CEBPZ: variants seen among roughly 807,000 people sequenced by gnomAD.
CEBPZ encodes CCAAT enhancer binding protein zeta.
A neutral mutation model predicts 104.5 loss-of-function variants in CEBPZ; 78 were observed. The ratio of observed to expected loss-of-function variants is 0.75; its 90% CI spans 0.62 to 0.90. The LOEUF is 0.90. Ranked by LOEUF, CEBPZ falls within the 40% of genes least tolerant of loss-of-function variation. CEBPZ has a pLI of 0.00. For synonymous variants in CEBPZ, 470 were observed against 427.0 expected (o/e 1.10, Z -1.24); for missense variants, 1,439 against 1,233.5 (o/e 1.17, Z -2.50).
chr2:37,223,675 A>G (rs1019136997), intron 2 of CEBPZ, among the ~76,000 whole-genome samples: 10 of 152,174 alleles, frequency 6.6e-5, no homozygotes, highest in East Asian at 1.9e-4. Flanking sequence ...TCTGTTTTCT[A>G]TATCAACAGG....
intron 13 of CEBPZ, 35 bp downstream of exon 13, chr2:37,210,964 A>G (rs1677702506): frequency 4.1e-6 from 6 of 1,472,800 alleles, no homozygotes; most frequent in Non-Finnish European, 5.6e-6. Flanking sequence ...TCACATGGAC[A>G]CTGCTTTTAA....
chr2:37,202,684 A>C, intron 15 of CEBPZ, 100 bp downstream of exon 15: 1 of 227,960 alleles, frequency 4.4e-6, no homozygotes, highest in South Asian at 1.2e-4. Flanking sequence ...AAAAAAAAAA[A>C]AAAAAAAAGA....
intron 6 of CEBPZ, 78 bp downstream of exon 6, chr2:37,216,906 A>G: frequency 8.5e-7 from 1 of 1,172,182 alleles, no homozygotes; most frequent in Admixed American, 1.9e-5. Flanking sequence ...TAGAGAAAAC[A>G]CTGTATGACC....
intron 3 of CEBPZ, 29 bp from the exon 4 acceptor site, chr2:37,222,592 C>G (rs1664799209): frequency 6.7e-7 from 1 of 1,485,816 alleles, no homozygotes; most frequent in African/African-American, 1.4e-5. Context: ...CATAAATCTA[C>G]ATAAATCAAC....
chr2:37,223,549 A>C (rs1028593369), intron 2 of CEBPZ, 148 bp from the exon 3 acceptor site: 4 of 673,508 alleles, frequency 5.9e-6, no homozygotes, highest in African/African-American at 5.4e-5. Context: ...CTAAGAGGTA[A>C]GATGGAAGTC....
intron 5 of CEBPZ, among the ~76,000 whole-genome samples, chr2:37,220,071 C>A (rs2148357498): frequency 6.6e-6 from 1 of 152,260 alleles, no homozygotes; most frequent in African/African-American, 2.4e-5. Context: ...GTAATCCCAG[C>A]ACTTTGGGAG....
At chr2:37,223,751 C>A (rs72875750) in intron 2 of CEBPZ, among the ~76,000 whole-genome samples, 3,388 of 152,300 alleles carry the variant, frequency 0.022, 77 homozygotes, top group African/African-American at 0.062. Flanking sequence ...ATAGTGAAAA[C>A]TGACCCATGA....
At chr2:37,208,531 A>G (rs1677613627) in intron 13 of CEBPZ, among the ~76,000 whole-genome samples, 1 of 152,152 alleles carries the variant, frequency 6.6e-6, no homozygotes, top group Non-Finnish European at 1.5e-5. Context: ...TAAACAATTA[A>G]AAACAAAAAT....
At chr2:37,216,885 A>G (rs1664599476) in intron 6 of CEBPZ, 99 bp downstream of exon 6, 5 of 975,434 alleles carry the variant, frequency 5.1e-6, no homozygotes, top group Non-Finnish European at 7.9e-6. Flanking sequence ...AATGTACAAG[A>G]TTCTCTCTGT....
intron 15 of CEBPZ, 133 bp from the exon 16 acceptor site, chr2:37,202,036 A>G (rs1251594385): frequency 3.4e-6 from 2 of 582,620 alleles, no homozygotes; most frequent in African/African-American, 3.8e-5. Context: ...ATACAAACCC[A>G]CTGCTTGTTT....
chr2:37,219,317 C>T (rs973057560), intron 5 of CEBPZ, among the ~76,000 whole-genome samples: 6 of 151,826 alleles, frequency 4.0e-5, no homozygotes, highest in African/African-American at 7.3e-5. Context: ...TGTATGCACA[C>T]GAAATACTAA....
rs764236522 is a variant in CEBPZ, at chr2:37,202,869, T to C, written c.2944-4A>G. Reference sequence around the variant, plus strand: ...TTTCATCCAATAGATGGCCAAACTTTTAAACAAAAACGATAAATTTATTAG... The same window carrying C: ...TTTCATCCAATAGATGGCCAAACTTCTAAACAAAAACGATAAATTTATTAG... On this transcript the variant is annotated splice_polypyrimidine_tract_variant and splice_region_variant and intron_variant, in intron 14 of 15. Transcript: ENST00000234170. 6.3e-7 allele frequency: 1 copy of C among 1,598,412 alleles called. No homozygotes were observed. The highest frequency in any genetic ancestry group is 8.5e-7 in the Non-Finnish European group (1 of 1,172,954).
intron 1 of CEBPZ, among the ~76,000 whole-genome samples, chr2:37,230,887 G>A (rs929464085): frequency 6.6e-6 from 1 of 152,084 alleles, no homozygotes; most frequent in Admixed American, 6.5e-5. Flanking sequence ...ATACTAACGC[G>A]CTCCCACTCC....
rs771459090 is a variant in CEBPZ at position 37,228,531 on chromosome 2, T to C, written c.662A>G (p.Lys221Arg). The change falls in exon 2 of 16, where the codon AAA becomes AGA. Residue 221 changes from lysine to arginine, a missense_variant. By Grantham distance (26) the Lys-to-Arg change is conservative (BLOSUM62 2). Transcript: ENST00000234170. Reference protein sequence around the residue: ...KLYQHEINLFKSKTNSQKGAS... With the variant: ...KLYQHEINLFRSKTNSQKGAS... ...TCCCTTTTGACTATTCGTCTTACTT[T>C]TGAATAAGTTGATTTCATGCTGATA... 6.2e-7 allele frequency: 1 copy of C among 1,614,228 alleles called. No homozygotes were observed. The highest frequency in any genetic ancestry group is 1.1e-5 in the South Asian group (1 of 91,078).
chr2:37,228,295 C>T lies in CEBPZ; in HGVS notation c.898G>A (p.Asp300Asn). The T allele has an allele frequency of 6.2e-7, 1 of 1,614,222 alleles. No homozygotes were observed. The change falls in exon 2 of 16, where the codon GAC becomes AAC. Residue 300 changes from aspartate (D) to asparagine (N), a missense_variant. Coordinates refer to ENST00000234170, the MANE Select transcript of CEBPZ (RefSeq NM_005760.3). ...KELLITDLLP[D>N]NRKLRIFSQR... ...CTGAAAATCCTCAGCTTCCGATTGTCTGGCAAAAGGTCTGTGATAAGCAAC... is the reference window on the plus strand; with the variant it reads ...CTGAAAATCCTCAGCTTCCGATTGTTTGGCAAAAGGTCTGTGATAAGCAAC...
intron 5 of CEBPZ, among the ~76,000 whole-genome samples, chr2:37,220,184 G>C (rs7559908): frequency 0.039 from 5,868 of 151,970 alleles, 133 homozygotes; most frequent in African/African-American, 0.054. Context: ...GGGCGTGGTG[G>C]TGGGCGCCTG....
chr2:37,212,397 CAGACA>C lies in CEBPZ; in HGVS notation c.2546-10_2546-6del, dbSNP rs1326311364. On this transcript the variant is annotated splice_polypyrimidine_tract_variant and splice_region_variant and intron_variant, in intron 10 of 15. Coordinates refer to ENST00000234170, the MANE Select transcript of CEBPZ (RefSeq NM_005760.3). ...AGTTATCATCTTCAAATGTGTCTGC[CAGACA>C]ATACAGAAATGTGAGATACAACAAA... 1 of 1,610,390 alleles carries C rather than the reference CAGACA, an allele frequency of 6.2e-7. No homozygotes were observed. Among genetic ancestry groups the C allele is most frequent in the East Asian group, 2.2e-5 (1 of 44,792 alleles).
At chr2:37,214,409 C>T (rs1314134296) in intron 9 of CEBPZ, among the ~76,000 whole-genome samples, 1 of 152,020 alleles carries the variant, frequency 6.6e-6, no homozygotes, top group Admixed American at 6.5e-5. Context: ...TGAATCCATT[C>T]TAAGGGCCAT....
chr2:37,219,729 T>C (rs549300918), intron 5 of CEBPZ, among the ~76,000 whole-genome samples: 11 of 152,184 alleles, frequency 7.2e-5, no homozygotes, highest in African/African-American at 2.2e-4. Context: ...CTCTTACAAA[T>C]TCAGAAAAGT....
Sources: allele counts gnomAD v4.1 joint callset (sites outside exome capture counted in the v4.1 genomes callset), GRCh38; gene constraint gnomAD v4.1.1; transcripts MANE v1.5; gene names NCBI Gene and HGNC (gene_info 2026-07-23, HGNC 2026-07-21).